Variants in DDX3X observed in about 807,000 individuals in gnomAD.
The protein encoded by DDX3X is DEAD-box helicase 3 X-linked.
DDX3X carries 4 observed loss-of-function variants against 52.7 expected under a neutral mutation model. The ratio of observed to expected loss-of-function variants is 0.08; its 90% CI spans 0.04 to 0.17. The LOEUF is 0.17. Ranked by LOEUF, DDX3X falls within the 10% of genes least tolerant of loss-of-function variation. The pLI is 1.00. For synonymous variants in DDX3X, 192 were observed against 178.1 expected (o/e 1.08, Z -0.62); for missense variants, 222 against 548.6 (o/e 0.40, Z 5.95).
chrX:41,343,679 AT>A, intron 7 of DDX3X, 57 bp from the exon 8 acceptor site: 2 of 1,040,749 alleles, frequency 1.9e-6, no homozygotes, highest in Non-Finnish European at 2.7e-6. Context: ...AAACACTGTC[AT>A]CTACCAATGT....
rs768246534 is a variant in DDX3X at position 41,345,166 on chromosome X, TC to T, written c.1026-13del. 25 of 1,202,147 alleles carry T rather than the reference TC, an allele frequency of 2.1e-5. No homozygotes were observed. In the African/African-American group the frequency reaches 2.6e-4, roughly 13 times the overall value. ...ATTCTAAACTCAGGCTTGTTTTTTTTCATGACATGACAGATACTTGGTGTTA... is the reference window on the plus strand; with the variant it reads ...ATTCTAAACTCAGGCTTGTTTTTTTTATGACATGACAGATACTTGGTGTTA... On this transcript the variant is annotated splice_polypyrimidine_tract_variant and intron_variant, in intron 10 of 16. Transcript: ENST00000644876.
chrX:41,342,389 T>G, intron 4 of DDX3X, 106 bp from the exon 5 acceptor site: 4 of 920,430 alleles, frequency 4.3e-6, no homozygotes, highest in Non-Finnish European at 6.1e-6. Context: ...GTTGACATCC[T>G]TATGGTTAGC....
chrX:41,347,205 G>T, intron 15 of DDX3X, 107 bp from the exon 16 acceptor site: 1 of 994,566 alleles, frequency 1.0e-6, no homozygotes, highest in East Asian at 3.1e-5. Context: ...ATGGCTGGAT[G>T]GGGAATTGTT....
Position 41,346,930 on chromosome X carries a change from G to A in DDX3X, c.1687G>A (p.Ala563Thr). The change falls in exon 15 of 17, where the codon GCT becomes ACT. Residue 563 changes from alanine to threonine, a missense_variant. Physicochemically the swap from Ala to Thr is moderately conservative, Grantham distance 58 (BLOSUM62 0). Transcript: ENST00000644876. ...TKDLLDLLVE[A>T]KQEVPSWLEN... ...GGATTTGTTGGATCTTCTTGTTGAA[G>A]CTAAACAAGAAGTGCCGTCTTGGTT... 8.3e-7 allele frequency: 1 copy of A among 1,207,353 alleles called. No homozygotes were observed. Among genetic ancestry groups the A allele is most frequent in the Non-Finnish European group, 1.1e-6 (1 of 891,721 alleles).
At chrX:41,341,841 A>G (rs759438763) in intron 4 of DDX3X, 74 of 336,512 alleles carry the variant, frequency 2.2e-4, no homozygotes, top group Non-Finnish European at 3.5e-4. Flanking sequence ...CGAGTTTTAT[A>G]TGTTCTACTT....
intron 1 of DDX3X, chrX:41,334,557 G>C (rs897999275): frequency 1.8e-6 from 2 of 1,093,390 alleles, no homozygotes; most frequent in African/African-American, 1.8e-5. Context: ...GGCGGGCGGA[G>C]GGGGAGGAAG....
intron 1 of DDX3X, chrX:41,335,104 CCGCTGCG>C (rs1222883246): frequency 9.0e-6 from 1 of 111,283 alleles, no homozygotes; most frequent in Non-Finnish European, 1.8e-5. Flanking sequence ...CAGGAATTGG[CCGCTGCG>C]CGCTGGGCCC....
At chrX:41,337,507 A>G in intron 2 of DDX3X, 42 bp downstream of exon 2, 4 of 1,078,314 alleles carry the variant, frequency 3.7e-6, no homozygotes, top group Non-Finnish European at 3.8e-6. Flanking sequence ...ATTAGAGCTT[A>G]ACATCTTAAG....
intron 12 of DDX3X, chrX:41,345,796 C>T: frequency 3.1e-6 from 1 of 322,685 alleles, no homozygotes; most frequent in Non-Finnish European, 5.3e-6. Flanking sequence ...CACTACAGCC[C>T]AGAACTCCTA....
Position 41,347,870 on chromosome X carries a change from G to A in DDX3X, c.*151G>A, listed in dbSNP as rs778745778. On this transcript the variant is annotated 3_prime_UTR_variant, in exon 17 of 17. Transcript: ENST00000644876. ...AATTTTTTTTTTAAGGGAGCTCAAGGTCACAAGAAGAAATGAAAGGAACAA... is the reference window on the plus strand; with the variant it reads ...AATTTTTTTTTTAAGGGAGCTCAAGATCACAAGAAGAAATGAAAGGAACAA... 9.4e-5 allele frequency: 40 copies of A among 423,792 alleles called. No homozygotes were observed. The highest frequency in any genetic ancestry group is 1.5e-4 in the Non-Finnish European group (37 of 245,740). The allele number at this position is 423,792 out of a possible 1,213,427, so 34.9% of individuals were successfully genotyped here.
At chrX:41,360,147 G>A (rs1183932385) in intron 5 of DDX3X, among the ~76,000 whole-genome samples, 1 of 109,988 alleles carries the variant, frequency 9.1e-6, no homozygotes, top group South Asian at 3.9e-4. Context: ...GGAAGCGGAG[G>A]TGGGCGGATC....
intron 2 of DDX3X, 87 bp downstream of exon 2, chrX:41,337,552 G>A (rs2063789195): frequency 1.2e-6 from 1 of 819,198 alleles, no homozygotes; most frequent in Admixed American, 2.9e-5. Flanking sequence ...TAAGAAATTT[G>A]CCTTTCAATT....
intron 4 of DDX3X, chrX:41,342,265 C>T (rs1004335286): frequency 2.8e-6 from 1 of 359,188 alleles, no homozygotes. Context: ...TCTGTGAGGC[C>T]TTTTAGGCTA....
At position 41,343,361 on chromosome X, in the gene DDX3X, A is replaced by C. The variant is rs1315220549; in HGVS notation, c.679+10A>C. ...GCTTGTGCCCAAACAGGTAAGCTCA[A>C]CTCATAAGAGTAAAACATCATATTT... On this transcript the variant is annotated intron_variant, in intron 7 of 16. Transcript: ENST00000644876. The C allele has an allele frequency of 8.5e-7, 1 of 1,181,090 alleles. No individual in the cohort carries two copies.
downstream of DDX3X, among the ~76,000 whole-genome samples, chrX:41,354,419 G>A (rs1202029671): frequency 1.0e-5 from 1 of 96,511 alleles, no homozygotes; most frequent in Admixed American, 1.3e-4. Context: ...GACCTCCCAG[G>A]CTCAAGCAAT....
chrX:41,349,487 CT>C lies in DDX3X; in HGVS notation c.*1773del, dbSNP rs896250715. On this transcript the variant is annotated 3_prime_UTR_variant, in exon 17 of 17. Coordinates refer to ENST00000644876, the MANE Select transcript of DDX3X (RefSeq NM_001356.5). ...TTTGCACACGACAGATTTCTAGATA[CT>C]TTTTGCTGCTAGTTTTATGTAATAT... The C allele has an allele frequency of 1.8e-5, 2 of 111,777 alleles. No homozygotes were observed. The highest frequency in any genetic ancestry group is 9.6e-5 in the Admixed American group (1 of 10,376). The allele number at this position is 111,777 out of a possible 1,213,427, so 9.2% of individuals were successfully genotyped here.
chrX:41,338,949 T>A, intron 2 of DDX3X, 87 bp from the exon 3 acceptor site: 1 of 360,578 alleles, frequency 2.8e-6, no homozygotes, highest in Admixed American at 6.2e-5. Flanking sequence ...GATTTTAATT[T>A]CCCAGAACCA....
chrX:41,336,306 G>T (rs1273932357), intron 1 of DDX3X: 1 of 111,790 alleles, frequency 8.9e-6, no homozygotes, highest in Non-Finnish European at 1.9e-5. Flanking sequence ...AAAACGTTAT[G>T]AAGGTAGCAC....
chrX:41,333,492 C>T (rs1489617840), upstream of DDX3X: 1 of 108,242 alleles, frequency 9.2e-6, no homozygotes, highest in East Asian at 2.9e-4. Flanking sequence ...GTCCGGAGCA[C>T]TCTATATTCA....
Sources: allele counts gnomAD v4.1 joint callset (sites outside exome capture counted in the v4.1 genomes callset), GRCh38; gene constraint gnomAD v4.1.1; transcripts MANE v1.5; gene names NCBI Gene and HGNC (gene_info 2026-07-23, HGNC 2026-07-21).